Variants in COL23A1 observed in about 807,000 individuals in gnomAD.
COL23A1 encodes collagen type XXIII alpha 1 chain, also known as collagen alpha-1(XXIII) chain.
In COL23A1, 97 loss-of-function variants were observed where a neutral mutation model predicts 99.3. The observed-to-expected ratio is 0.98, with a 90% confidence interval of 0.83 to 1.16. The LOEUF is 1.16. COL23A1 is among the 50% of genes most tolerant of loss of function. COL23A1 has a pLI of 0.00. For synonymous variants in COL23A1, 320 were observed against 308.2 expected, an observed-to-expected ratio of 1.04 and a Z score of -0.40; for missense variants, 762 against 757.4, an observed-to-expected ratio of 1.01 and a Z score of -0.07.
intron 5 of COL23A1, among the ~76,000 whole-genome samples, chr5:178,276,895 T>G (rs1424489403): frequency 6.6e-6 from 1 of 152,154 alleles, no homozygotes; most frequent in Middle Eastern, 3.2e-3. Context: ...CTCAGCAAAC[T>G]GTAGGAGCTT....
At position 178,544,364 on chromosome 5, in the gene COL23A1, C is replaced by T. The variant is rs1280540356; in HGVS notation, c.361+16318G>A. 1.2e-4 allele frequency among the ~76,000 whole-genome samples: 19 copies of T among 152,210 alleles called. No homozygotes were observed. The highest frequency in any genetic ancestry group is 1.2e-3 in the Admixed American group (19 of 15,284). ...AAGGCAAGTCGGCGGATGCGCACTTCAGGGAGGACGCAGGCGCAGGGCCGG... is the reference window on the plus strand; with the variant it reads ...AAGGCAAGTCGGCGGATGCGCACTTTAGGGAGGACGCAGGCGCAGGGCCGG... On this transcript the variant is annotated intron_variant, in intron 2 of 28. Transcript: ENST00000390654. The surrounding 1 kb of genome is among the most constrained non-coding windows in gnomAD (Gnocchi z 4.4).
intron 2 of COL23A1, chr5:178,443,019 TG>T (rs759623864): frequency 2.0e-4 from 31 of 152,390 alleles, no homozygotes; most frequent in African/African-American, 6.7e-4. Flanking sequence ...CTGAAAGGTT[TG>T]AAGCAGCTTG....
chr5:178,257,608 G>C (rs1466796095), intron 12 of COL23A1, 41 bp from the exon 13 acceptor site: 2 of 1,547,112 alleles, frequency 1.3e-6, no homozygotes, highest in Non-Finnish European at 1.7e-6. Context: ...CAGACCCTCG[G>C]GTGGCCAGTG....
intron 8 of COL23A1, among the ~76,000 whole-genome samples, chr5:178,264,370 T>C (rs1330090965): frequency 6.7e-6 from 1 of 149,134 alleles, no homozygotes; most frequent in Non-Finnish European, 1.5e-5. Flanking sequence ...AAGGGCCACA[T>C]GGTTTCTCTC....
At chr5:178,571,727 C>T (rs1236428635) in intron 1 of COL23A1, among the ~76,000 whole-genome samples, 1 of 152,134 alleles carries the variant, frequency 6.6e-6, no homozygotes, top group Non-Finnish European at 1.5e-5. Context: ...TTATTATAAC[C>T]GTACTGCCTA....
chr5:178,546,222 G>A (rs1043701401), intron 2 of COL23A1, among the ~76,000 whole-genome samples: 3 of 152,124 alleles, frequency 2.0e-5, no homozygotes, highest in African/African-American at 4.8e-5. Context: ...GCAGATATGT[G>A]TAAGAGGCCT....
At chr5:178,273,532 G>A (rs1389076679) in intron 5 of COL23A1, among the ~76,000 whole-genome samples, 3 of 152,238 alleles carry the variant, frequency 2.0e-5, no homozygotes, top group African/African-American at 7.2e-5. Flanking sequence ...AGAGGCAGAG[G>A]GTGCAGTGTG....
At chr5:178,302,061 CCTCTGTGTGTGCCG>C (rs1314145156) in intron 3 of COL23A1, among the ~76,000 whole-genome samples, 93 of 142,582 alleles carry the variant, frequency 6.5e-4, no homozygotes, top group African/African-American at 1.3e-3. Context: ...CAATGCTGCA[CCTCTGTGTGTGCCG>C]CTCTGTGTGT....
chr5:178,361,449 G>A (rs1465363039), intron 2 of COL23A1, among the ~76,000 whole-genome samples: 5 of 152,208 alleles, frequency 3.3e-5, no homozygotes, highest in African/African-American at 1.2e-4. Context: ...GTGGCCTGAG[G>A]AGGGTAGAAG....
intron 3 of COL23A1, among the ~76,000 whole-genome samples, chr5:178,304,142 G>A (rs2913761): frequency 0.75 from 114,206 of 152,088 alleles, 43,439 homozygotes; most frequent in African/African-American, 0.79. Context: ...AAGGCAGGCA[G>A]GATCACCCTA....
chr5:178,459,535 G>T (rs1755999122), intron 2 of COL23A1, among the ~76,000 whole-genome samples: 1 of 152,214 alleles, frequency 6.6e-6, no homozygotes, highest in African/African-American at 2.4e-5. Context: ...GCCAAGGCAG[G>T]TGGATCACCT....
chr5:178,418,014 G>A (rs529854091), intron 2 of COL23A1, among the ~76,000 whole-genome samples: 98 of 152,378 alleles, frequency 6.4e-4, no homozygotes, highest in South Asian at 6.4e-3. Flanking sequence ...GCCCTGGGCT[G>A]CCAGTGAGTG....
At chr5:178,473,320 G>A (rs1310503761) in intron 2 of COL23A1, among the ~76,000 whole-genome samples, 1 of 151,764 alleles carries the variant, frequency 6.6e-6, no homozygotes, top group African/African-American at 2.4e-5. Context: ...TTGTAGAGAC[G>A]GTCTCACTCT....
At chr5:178,349,604 T>C (rs1208188574) in intron 2 of COL23A1, among the ~76,000 whole-genome samples, 2 of 149,444 alleles carry the variant, frequency 1.3e-5, no homozygotes, top group Non-Finnish European at 3.0e-5. Context: ...TCCACGGCAC[T>C]ATCACCGTCC....
intron 2 of COL23A1, among the ~76,000 whole-genome samples, chr5:178,476,910 A>C (rs474141): frequency 0.018 from 2,721 of 152,320 alleles, 66 homozygotes; most frequent in African/African-American, 0.057. Flanking sequence ...TGAGATTCCA[A>C]ATATAAAGTG....
intron 2 of COL23A1, among the ~76,000 whole-genome samples, chr5:178,408,806 T>A (rs1401842196): frequency 6.6e-6 from 1 of 151,686 alleles, no homozygotes; most frequent in South Asian, 2.1e-4. Context: ...AATACAAAAA[T>A]TAGCTGGGTG....
At chr5:178,408,013 C>T (rs977156929) in intron 2 of COL23A1, among the ~76,000 whole-genome samples, 8 of 152,074 alleles carry the variant, frequency 5.3e-5, no homozygotes, top group Non-Finnish European at 8.8e-5. Context: ...AGGAAAGAAA[C>T]CGAAGATTTC....
intron 1 of COL23A1, among the ~76,000 whole-genome samples, chr5:178,575,531 C>T (rs867267562): frequency 6.6e-6 from 1 of 152,212 alleles, no homozygotes; most frequent in African/African-American, 2.4e-5. Flanking sequence ...CATGGATTAT[C>T]ATTATTTCCA....
intron 2 of COL23A1, among the ~76,000 whole-genome samples, chr5:178,470,960 A>G (rs1227860164): frequency 6.6e-6 from 1 of 152,200 alleles, no homozygotes; most frequent in East Asian, 1.9e-4. Context: ...TACTGTGAAG[A>G]TCCAACCAGA....
Sources: gnomAD v4.1 joint callset for allele counts (sites outside exome capture counted in the v4.1 genomes callset) on GRCh38, gnomAD v4.1.1 for gene constraint, Gnocchi (gnomAD v3.1) non-coding constraint, MANE v1.5 for transcripts, NCBI Gene and HGNC (gene_info 2026-07-23, HGNC 2026-07-21) for gene names.